Variants in ITM2B observed in about 807,000 individuals in gnomAD.
The protein encoded by ITM2B is ABri/ADan amyloid peptide.
ITM2B carries 11 observed loss-of-function variants against 27.8 expected under a neutral mutation model. The observed-to-expected ratio is 0.40, with a 90% CI of 0.25 to 0.66. The LOEUF is 0.66. ITM2B is among the 30% of genes least tolerant of loss of function. ITM2B has a pLI of 0.43. For missense variants in ITM2B, 296 were observed against 328.9 expected (o/e 0.90, Z 0.77); for synonymous variants, 114 against 114.3 (o/e 1.00, Z 0.02).
At position 48,240,862 on chromosome 13, in the gene ITM2B, C is replaced by G. The variant is rs7984938; in HGVS notation, c.117+7385C>G. Among the ~76,000 whole-genome samples, 767 of 152,284 alleles carry G rather than the reference C, an allele frequency of 5.0e-3. 6 individuals are homozygous for G. Among genetic ancestry groups the G allele is most frequent in the African/African-American group, 0.018 (735 of 41,558 alleles). On this transcript the variant is annotated intron_variant, in intron 1 of 5. Coordinates refer to ENST00000647800, the MANE Select transcript of ITM2B (RefSeq NM_021999.5). ...AAGTCTGTATACCTGGGCTCTAACT[C>G]CCAATCAAGCTGAACATTGTTATCA... is the stretch of plus-strand genomic sequence containing the variant.
chr13:48,258,729 CT>C (rs1257629195), intron 4 of ITM2B, 67 bp from the exon 5 acceptor site: 20 of 1,448,196 alleles, frequency 1.4e-5, no homozygotes, highest in Middle Eastern at 1.8e-4. Context: ...AGAATTTTGT[CT>C]TGTTTCTCTA....
At position 48,263,113 on chromosome 13, in the gene ITM2B, C is replaced by A. The variant is rs193255785; in HGVS notation, c.*1889C>A. 6.6e-6 allele frequency: 1 copy of A among 152,150 alleles called. No individual in the cohort carries two copies. Among genetic ancestry groups the A allele is most frequent in the East Asian group, 1.9e-4 (1 of 5,200 alleles). 9.4% of individuals were successfully genotyped at this position (152,150 alleles called of 1,614,324 possible). ...CCAGACTCCCAGGGACCCAAACTTA[C>A]ACTTTACTAAATGTAATTCTTTCAT... On this transcript the variant is annotated 3_prime_UTR_variant, in exon 6 of 6. Transcript: ENST00000647800.
chr13:48,234,040 T>A (rs1027079409), intron 1 of ITM2B, among the ~76,000 whole-genome samples: 2 of 152,134 alleles, frequency 1.3e-5, no homozygotes, highest in Non-Finnish European at 2.9e-5. Flanking sequence ...GAACTTCACC[T>A]GGAGAGGGGA....
chr13:48,234,436 T>C lies in ITM2B; in HGVS notation c.117+959T>C, dbSNP rs73485057. Among the ~76,000 whole-genome samples, 20 of 152,276 alleles carry C rather than the reference T, an allele frequency of 1.3e-4. No individual in the cohort carries two copies. In the South Asian group the frequency reaches 3.9e-3, roughly 30 times the overall value. Reference sequence around the variant, plus strand: ...ATTAGAAATTAACTGTAAAGTTATGTTGCTTATCTTATTTTTTGTTGTTGT... The same window carrying C: ...ATTAGAAATTAACTGTAAAGTTATGCTGCTTATCTTATTTTTTGTTGTTGT... On this transcript the variant is annotated intron_variant, in intron 1 of 5. Transcript: ENST00000647800.
chr13:48,238,680 A>G (rs1171222234), intron 1 of ITM2B, among the ~76,000 whole-genome samples: 1 of 152,188 alleles, frequency 6.6e-6, no homozygotes, highest in East Asian at 1.9e-4. Flanking sequence ...AGTGATACTA[A>G]GTATGGTGGT....
At chr13:48,241,884 C>T (rs972653286) in intron 1 of ITM2B, among the ~76,000 whole-genome samples, 1 of 152,158 alleles carries the variant, frequency 6.6e-6, no homozygotes, top group African/African-American at 2.4e-5. Context: ...CTAACACAGT[C>T]TTAGTTTTAT....
chr13:48,238,969 A>G (rs985566940), intron 1 of ITM2B, among the ~76,000 whole-genome samples: 1 of 152,144 alleles, frequency 6.6e-6, no homozygotes, highest in Admixed American at 6.5e-5. Context: ...AGTCTTAACT[A>G]TTTTCTCTGC....
At chr13:48,241,475 G>A (rs1381427243) in intron 1 of ITM2B, among the ~76,000 whole-genome samples, 1 of 152,186 alleles carries the variant, frequency 6.6e-6, no homozygotes, top group East Asian at 1.9e-4. Flanking sequence ...GCCTCTCAAA[G>A]TGCTGGGATT....
chr13:48,234,903 AATT>A (rs1457003540), intron 1 of ITM2B, among the ~76,000 whole-genome samples: 1 of 152,212 alleles, frequency 6.6e-6, no homozygotes, highest in Non-Finnish European at 1.5e-5. Context: ...TGCAGTAGCA[AATT>A]ATTATGTTAG....
rs1364051034 is a variant in ITM2B at position 48,258,106 on chromosome 13, C to T, written c.454-20C>T. 2 of 1,164,562 alleles carry T rather than the reference C, an allele frequency of 1.7e-6. No homozygotes were observed. The highest frequency in any genetic ancestry group is 1.3e-6 in the Non-Finnish European group (1 of 770,032). 72.1% of individuals were successfully genotyped at this position (1,164,562 alleles called of 1,614,324 possible). A position where few individuals can be genotyped will look rare whatever the true frequency, so the allele number is the denominator to read the frequency against. On this transcript the variant is annotated intron_variant, in intron 3 of 5. Transcript: ENST00000647800. ...TTTTGCAAGTATTACTGTAACTACA[C>T]TGTATCTTTTTCTTCCCAGAAACTT...
chr13:48,263,682 C>T lies in ITM2B; in HGVS notation c.*2458C>T, dbSNP rs144575345. ...TTCCAGAAGCTGGAAAGTTCAAGAT[C>T]AAGTCACCTGCAGATTCAGTGTCTG... On this transcript the variant is annotated 3_prime_UTR_variant, in exon 6 of 6. Transcript: ENST00000647800. The T allele has an allele frequency of 1.5e-3, 234 of 152,320 alleles. No homozygotes were observed. The highest frequency in any genetic ancestry group is 5.3e-3 in the African/African-American group (220 of 41,554). 9.4% of individuals were successfully genotyped at this position (152,320 alleles called of 1,614,324 possible). A position where few individuals can be genotyped will look rare whatever the true frequency, so the allele number is the denominator to read the frequency against.
intron 2 of ITM2B, among the ~76,000 whole-genome samples, chr13:48,255,581 C>T (rs1951782436): frequency 6.6e-6 from 1 of 152,198 alleles, no homozygotes; most frequent in African/African-American, 2.4e-5. Flanking sequence ...GGATTACAGG[C>T]ATGAGTTACT....
intron 1 of ITM2B, among the ~76,000 whole-genome samples, chr13:48,251,993 T>C (rs1483765227): frequency 6.6e-6 from 1 of 152,244 alleles, no homozygotes; most frequent in Non-Finnish European, 1.5e-5. Context: ...TACATACTTT[T>C]CTTCCTTGCA....
chr13:48,246,626 C>A (rs2137985270), intron 1 of ITM2B, among the ~76,000 whole-genome samples: 1 of 152,208 alleles, frequency 6.6e-6, no homozygotes, highest in South Asian at 2.1e-4. Flanking sequence ...TCCCAGTGTA[C>A]AAAACCCAGA....
intron 3 of ITM2B, 91 bp downstream of exon 3, chr13:48,256,474 T>C: frequency 9.7e-7 from 1 of 1,032,300 alleles, no homozygotes. Flanking sequence ...TAATTTATTA[T>C]ATTTAGAGTT....
At chr13:48,257,515 A>G (rs1477718495) in intron 3 of ITM2B, among the ~76,000 whole-genome samples, 3 of 152,234 alleles carry the variant, frequency 2.0e-5, no homozygotes, top group Non-Finnish European at 2.9e-5. Context: ...ATGGATGTTT[A>G]TAAACCAGTT....
rs1453850888 is a variant in ITM2B at position 48,265,206 on chromosome 13, G to A, written c.*3982G>A. Reference sequence around the variant, plus strand: ...TTGAAGGTAAAAAGTAAATGTTCCCGCCCTTCTACCATCCTCCTTCCTCAG... The same window carrying A: ...TTGAAGGTAAAAAGTAAATGTTCCCACCCTTCTACCATCCTCCTTCCTCAG... On this transcript the variant is annotated 3_prime_UTR_variant, in exon 6 of 6. Coordinates refer to ENST00000647800, the MANE Select transcript of ITM2B (RefSeq NM_021999.5). 3 of 151,916 alleles carry A rather than the reference G, an allele frequency of 2.0e-5. No individual in the cohort carries two copies. Among genetic ancestry groups the A allele is most frequent in the African/African-American group, 7.3e-5 (3 of 41,334 alleles). The allele number at this position is 151,916 out of a possible 1,614,324, so 9.4% of individuals were successfully genotyped here.
At chr13:48,247,447 A>C (rs113810954) in intron 1 of ITM2B, among the ~76,000 whole-genome samples, 112 of 152,294 alleles carry the variant, frequency 7.4e-4, no homozygotes, top group Middle Eastern at 3.4e-3. Context: ...TGATACAGAA[A>C]TGTAAAATAT....
At chr13:48,244,534 TTTCTC>T (rs1250928135) in intron 1 of ITM2B, among the ~76,000 whole-genome samples, 1 of 152,216 alleles carries the variant, frequency 6.6e-6, no homozygotes, top group African/African-American at 2.4e-5. Flanking sequence ...GGACAGAAAT[TTTCTC>T]TTAACTATCC....
Sources: allele counts gnomAD v4.1 joint callset (sites outside exome capture counted in the v4.1 genomes callset), GRCh38; gene constraint gnomAD v4.1.1; transcripts MANE v1.5; gene names NCBI Gene and HGNC (gene_info 2026-07-23, HGNC 2026-07-21).